VRK3: variants seen among roughly 807,000 people sequenced by gnomAD.
The protein encoded by VRK3 is VRK serine/threonine kinase 3.
Under a neutral mutation model 60.4 loss-of-function variants are expected in VRK3, and 50 were observed. The ratio of observed to expected loss-of-function variants is 0.83; its 90% CI spans 0.66 to 1.05. VRK3 has a LOEUF of 1.05. Among genes scored for constraint, VRK3 ranks in the 50% least tolerant of loss-of-function variants. The pLI is 0.00. For synonymous variants in VRK3, 246 were observed against 227.8 expected (o/e 1.08, Z -0.72); for missense variants, 549 against 585.3 (o/e 0.94, Z 0.64).
rs1225772922 is a variant in VRK3, at chr19:49,995,288, G to A, written c.680-13C>T. On this transcript the variant is annotated splice_polypyrimidine_tract_variant and intron_variant, in intron 7 of 14. Transcript: ENST00000316763. ...TTCCACTTGTTGACTGCGGAAAGCA[G>A]GGGCTTGAGGTTAGAACCCACCCAG... The A allele has an allele frequency of 1.2e-6, 2 of 1,613,786 alleles. No homozygotes were observed. Among genetic ancestry groups the A allele is most frequent in the Non-Finnish European group, 1.7e-6 (2 of 1,179,878 alleles).
chr19:50,000,685 G>GC, intron 6 of VRK3, 105 bp downstream of exon 6: 1 of 1,363,670 alleles, frequency 7.3e-7, no homozygotes. Flanking sequence ...GGGGACCCTG[G>GC]CCCCCGGCCG....
At chr19:49,987,074 C>T (rs1025103176) in intron 12 of VRK3, 1 of 152,294 alleles carries the variant, frequency 6.6e-6, no homozygotes, top group African/African-American at 2.4e-5. Context: ...CAGAGTTTCA[C>T]TATGTTGGCC....
At chr19:50,015,934 C>G in intron 3 of VRK3, 90 bp downstream of exon 3, 1 of 1,566,092 alleles carries the variant, frequency 6.4e-7, no homozygotes, top group East Asian at 2.3e-5. Context: ...CAGGGTCAGA[C>G]AGGCTGCAAA....
At chr19:50,016,273 G>C in intron 2 of VRK3, 110 bp from the exon 3 acceptor site, 2 of 1,396,388 alleles carry the variant, frequency 1.4e-6, no homozygotes, top group Non-Finnish European at 2.0e-6. Flanking sequence ...GCACAACCAG[G>C]GTCTTCAACT....
At chr19:50,021,488 C>T (rs984607184) in intron 1 of VRK3, among the ~76,000 whole-genome samples, 3 of 152,224 alleles carry the variant, frequency 2.0e-5, no homozygotes, top group Admixed American at 1.3e-4. Context: ...GGCAGAGAAA[C>T]CACATGGAGA....
chr19:49,996,224 T>G (rs2076702235), intron 7 of VRK3, among the ~76,000 whole-genome samples: 1 of 151,928 alleles, frequency 6.6e-6, no homozygotes, highest in South Asian at 2.1e-4. Context: ...CCGGCCTTTT[T>G]TTTTTGTATT....
At chr19:50,006,582 A>G (rs2076895922) in intron 5 of VRK3, among the ~76,000 whole-genome samples, 1 of 152,046 alleles carries the variant, frequency 6.6e-6, no homozygotes, top group African/African-American at 2.4e-5. Flanking sequence ...TCACCGCGTT[A>G]GCCAGGATGG....
At chr19:50,015,820 A>T in intron 3 of VRK3, 1 of 644,480 alleles carries the variant, frequency 1.6e-6, no homozygotes, top group Non-Finnish European at 2.7e-6. Context: ...AGGAGATGTT[A>T]ACATGGAGAC....
chr19:50,007,314 C>T (rs939066463), intron 5 of VRK3, among the ~76,000 whole-genome samples: 1 of 64,250 alleles, frequency 1.6e-5, no homozygotes, highest in Non-Finnish European at 2.8e-5. Context: ...GGGCACACTT[C>T]ACACAGGGCA....
Position 49,995,087 on chromosome 19 carries a change from G to A in VRK3, c.764+104C>T. 3 of 1,356,352 alleles carry A rather than the reference G, an allele frequency of 2.2e-6. No individual in the cohort carries two copies. The South Asian group carries it at 3.8e-5, about 17-fold the overall frequency. The allele number at this position is 1,356,352 out of a possible 1,614,324, so 84.0% of individuals were successfully genotyped here. ...GGTCAAAACTACGAGAAGGCAGGAAGCAAAGACCTGGCCCACGGCTTCGGG... is the reference window on the plus strand; with the variant it reads ...GGTCAAAACTACGAGAAGGCAGGAAACAAAGACCTGGCCCACGGCTTCGGG... On this transcript the variant is annotated intron_variant, in intron 8 of 14. Coordinates refer to ENST00000316763, the MANE Select transcript of VRK3 (RefSeq NM_016440.4).
intron 2 of VRK3, among the ~76,000 whole-genome samples, chr19:50,020,227 G>T (rs923935453): frequency 6.6e-6 from 1 of 152,142 alleles, no homozygotes; most frequent in East Asian, 1.9e-4. Context: ...TTTTAGTAGA[G>T]ATGGGGTTTC....
chr19:50,002,836 T>A (rs576859020), intron 5 of VRK3, among the ~76,000 whole-genome samples: 2 of 151,914 alleles, frequency 1.3e-5, no homozygotes, highest in African/African-American at 4.8e-5. Flanking sequence ...AAATGGAAAG[T>A]CTCTACATGT....
chr19:50,020,969 A>G (rs734910), intron 1 of VRK3, among the ~76,000 whole-genome samples: 75,814 of 151,954 alleles, frequency 0.5, 19,599 homozygotes, highest in East Asian at 0.81. Context: ...ACCATAGAAG[A>G]AAACAGGATG....
chr19:50,020,106 T>A (rs2077148641), intron 2 of VRK3, among the ~76,000 whole-genome samples: 2 of 151,598 alleles, frequency 1.3e-5, no homozygotes, highest in Non-Finnish European at 2.9e-5. Context: ...AGTGGTGCAA[T>A]CTCAGCTCAC....
intron 2 of VRK3, among the ~76,000 whole-genome samples, chr19:50,018,472 AGAG>A (rs1186825865): frequency 3.9e-5 from 6 of 152,184 alleles, no homozygotes; most frequent in Admixed American, 1.3e-4. Context: ...CCACATGAGG[AGAG>A]AAGGGGTCCT....
At chr19:50,010,923 CAAAAACA>C (rs202001302) in intron 3 of VRK3, among the ~76,000 whole-genome samples, 3,528 of 151,852 alleles carry the variant, frequency 0.023, 54 homozygotes, top group Middle Eastern at 0.041. Flanking sequence ...AAAACAAAAA[CAAAAACA>C]AAAAACAAAA....
rs1453490222 is a variant in VRK3, at chr19:49,996,258, T to C, written c.680-983A>G. ...TTTTCAATAGAGATGGGTTTTGCCA[T>C]GTTGGCCAGGCTGGTCTCGAACTCC... On this transcript the variant is annotated intron_variant, in intron 7 of 14. Coordinates refer to ENST00000316763, the MANE Select transcript of VRK3 (RefSeq NM_016440.4). 6.6e-5 allele frequency among the ~76,000 whole-genome samples: 10 copies of C among 151,936 alleles called. No individual in the cohort carries two copies. In the East Asian group the frequency reaches 1.9e-3, roughly 29 times the overall value.
At chr19:50,015,769 C>T in intron 3 of VRK3, 1 of 498,144 alleles carries the variant, frequency 2.0e-6, no homozygotes, top group Non-Finnish European at 3.6e-6. Flanking sequence ...CATATATCTC[C>T]TCCAAGCAGG....
At chr19:49,978,091 G>C (rs945771424) in intron 14 of VRK3, among the ~76,000 whole-genome samples, 6 of 152,170 alleles carry the variant, frequency 3.9e-5, no homozygotes, top group African/African-American at 1.2e-4. Context: ...TCACAATCGT[G>C]GTGCTGCTGA....
Sources: allele counts gnomAD v4.1 joint callset (sites outside exome capture counted in the v4.1 genomes callset), GRCh38; gene constraint gnomAD v4.1.1; transcripts MANE v1.5; gene names NCBI Gene and HGNC (gene_info 2026-07-23, HGNC 2026-07-21).